The following PROM1 variants were observed in gnomAD, a reference collection of about 807,000 sequenced individuals.
PROM1 encodes prominin 1, also known as prominin-1.
Under a neutral mutation model 116.9 loss-of-function variants are expected in PROM1, and 105 were observed. The observed-to-expected ratio is 0.90, with a 90% CI of 0.77 to 1.06. The LOEUF (loss-of-function observed/expected upper bound fraction) is 1.06. Among genes scored for constraint, PROM1 ranks in the 50% least tolerant of loss-of-function variants. PROM1 has a pLI of 0.00. For synonymous variants in PROM1, 393 were observed against 387.0 expected, an observed-to-expected ratio of 1.02 and a Z score of -0.18; for missense variants, 1,122 against 1,045.2, an observed-to-expected ratio of 1.07 and a Z score of -1.01.
chr4:16,055,521 A>G, intron 2 of PROM1: 1 of 445,382 alleles, frequency 2.2e-6, no homozygotes, highest in East Asian at 7.0e-5. Flanking sequence ...CAAATTCCCT[A>G]GAACCAAATA....
intron 19 of PROM1, among the ~76,000 whole-genome samples, chr4:15,988,133 C>T (rs1214250398): frequency 6.6e-6 from 1 of 152,138 alleles, no homozygotes; most frequent in Admixed American, 6.5e-5. Flanking sequence ...GCCTCGGCCT[C>T]CCAAAGTGCT....
At chr4:16,003,751 G>C (rs62290169) in intron 13 of PROM1, among the ~76,000 whole-genome samples, 22,568 of 152,164 alleles carry the variant, frequency 0.15, 2,080 homozygotes, top group Middle Eastern at 0.26. Flanking sequence ...AGGAATTCAA[G>C]ACCAATCTGG....
intron 2 of PROM1, among the ~76,000 whole-genome samples, chr4:16,061,057 G>T (rs1228950559): frequency 6.6e-6 from 1 of 152,122 alleles, no homozygotes; most frequent in Non-Finnish European, 1.5e-5. Context: ...TTAAGCTGGG[G>T]ACTCCTGTTG....
chr4:16,000,497 C>A lies in PROM1; in HGVS notation c.1577G>T (p.Arg526Leu), dbSNP rs201692179. 1 of 1,582,048 alleles carries A rather than the reference C, an allele frequency of 6.3e-7. No homozygotes were observed. Among genetic ancestry groups the A allele is most frequent in the Non-Finnish European group, 8.7e-7 (1 of 1,155,490 alleles). ...TAATGGGTAGAAAATCATATTTACC[C>A]GGAATAATTCCTTGCTCGTGTAAGG... ...CEPYTSKELF[R>L]VLDTPYLLNE... is the part of the protein sequence containing the mutation. Residue 526 changes from arginine (R) to leucine (L), a missense_variant and splice_region_variant, in exon 14 of 28, where the codon CGG becomes CTG. Physicochemically the swap from Arg to Leu is moderately radical, Grantham distance 102. Coordinates refer to ENST00000447510, the MANE Select transcript of PROM1 (RefSeq NM_006017.3).
chr4:16,010,331 A>G (rs1013533206), intron 11 of PROM1, among the ~76,000 whole-genome samples: 3 of 152,110 alleles, frequency 2.0e-5, no homozygotes, highest in Admixed American at 6.5e-5. Context: ...TACTAAGAAC[A>G]CACTAATCAG....
chr4:15,994,126 G>A, intron 15 of PROM1, 55 bp from the exon 16 acceptor site: 1 of 1,608,794 alleles, frequency 6.2e-7, no homozygotes, highest in Non-Finnish European at 8.5e-7. Flanking sequence ...AGCTACCTCT[G>A]TCCACCACTG....
At chr4:16,074,877 T>A (rs1008809440) in intron 2 of PROM1, among the ~76,000 whole-genome samples, 5 of 152,234 alleles carry the variant, frequency 3.3e-5, no homozygotes, top group African/African-American at 1.2e-4. Context: ...TAAGAAAGAT[T>A]ACAGCGAATT....
chr4:16,011,975 A>T (rs2149265596), intron 11 of PROM1, among the ~76,000 whole-genome samples: 1 of 152,050 alleles, frequency 6.6e-6, no homozygotes, highest in Non-Finnish European at 1.5e-5. Flanking sequence ...AGCTTCAGAG[A>T]TTTCTTTTCT....
chr4:16,016,324 C>A, intron 9 of PROM1, 84 bp from the exon 10 acceptor site: 2 of 1,131,380 alleles, frequency 1.8e-6, no homozygotes, highest in Admixed American at 2.3e-5. Flanking sequence ...TTGTATATTC[C>A]AAGTCCCAAA....
intron 13 of PROM1, among the ~76,000 whole-genome samples, chr4:16,002,253 A>C (rs1024086589): frequency 6.6e-6 from 1 of 152,198 alleles, no homozygotes; most frequent in African/African-American, 2.4e-5. Context: ...CAAAAGAAAT[A>C]AAAGAAAAGA....
At chr4:16,067,703 C>T (rs1340775994) in intron 2 of PROM1, among the ~76,000 whole-genome samples, 1 of 152,188 alleles carries the variant, frequency 6.6e-6, no homozygotes, top group East Asian at 1.9e-4. Flanking sequence ...AGTAAGGACA[C>T]GCAGATGTTG....
intron 15 of PROM1, among the ~76,000 whole-genome samples, chr4:15,995,645 C>T (rs760029007): frequency 6.6e-6 from 1 of 152,124 alleles, no homozygotes; most frequent in Non-Finnish European, 1.5e-5. Flanking sequence ...CCTACTGCCC[C>T]TACCTCCCTG....
chr4:15,982,425 T>C (rs1718207826), intron 23 of PROM1, among the ~76,000 whole-genome samples: 1 of 152,254 alleles, frequency 6.6e-6, no homozygotes, highest in Non-Finnish European at 1.5e-5. Flanking sequence ...TATAACTTTA[T>C]AACAACCTTA....
intron 8 of PROM1, among the ~76,000 whole-genome samples, chr4:16,018,976 C>T (rs1729130228): frequency 6.6e-6 from 1 of 152,216 alleles, no homozygotes; most frequent in Admixed American, 6.5e-5. Context: ...TCAAAACTAG[C>T]ACAGTAGTTA....
chr4:16,031,103 T>C (rs868147895), intron 5 of PROM1, among the ~76,000 whole-genome samples: 15 of 152,318 alleles, frequency 9.8e-5, no homozygotes, highest in Middle Eastern at 3.4e-3. Context: ...TAAACACTTA[T>C]TCAGGTAAAT....
chr4:15,989,633 T>C, intron 19 of PROM1, 99 bp downstream of exon 19: 1 of 1,013,918 alleles, frequency 9.9e-7, no homozygotes, highest in South Asian at 1.4e-5. Context: ...CTGGGACCTA[T>C]GAGAGATGAG....
chr4:15,998,063 T>TTA (rs1395498847), intron 15 of PROM1, among the ~76,000 whole-genome samples: 3 of 152,192 alleles, frequency 2.0e-5, no homozygotes, highest in Admixed American at 2.0e-4. Context: ...TGGATGGCTT[T>TTA]TACTTAGAGC....
chr4:16,036,094 A>G (rs947826827), intron 3 of PROM1, among the ~76,000 whole-genome samples: 6 of 152,222 alleles, frequency 3.9e-5, no homozygotes, highest in Non-Finnish European at 8.8e-5. Flanking sequence ...TGTGATCTTC[A>G]TAAAATAGAG....
At chr4:16,021,356 C>T (rs1315050426) in intron 8 of PROM1, among the ~76,000 whole-genome samples, 1 of 152,164 alleles carries the variant, frequency 6.6e-6, no homozygotes, top group Non-Finnish European at 1.5e-5. Flanking sequence ...CACAGTCCAT[C>T]ATTCATATAC....
Sources: allele counts gnomAD v4.1 joint callset (sites outside exome capture counted in the v4.1 genomes callset), GRCh38; gene constraint gnomAD v4.1.1; transcripts MANE v1.5; gene names NCBI Gene and HGNC (gene_info 2026-07-23, HGNC 2026-07-21).